Variants in COPB1 observed in about 807,000 individuals in gnomAD.
COPB1 encodes the protein coatomer subunit beta.
A neutral mutation model predicts 108.7 loss-of-function variants in COPB1; 21 were observed. The ratio of observed to expected loss-of-function variants is 0.19; its 90% CI spans 0.14 to 0.28. COPB1 has a LOEUF of 0.28. COPB1 is among the 10% of genes least tolerant of loss of function. COPB1 has a pLI of 1.00. For synonymous variants in COPB1, 378 were observed against 386.8 expected, an observed-to-expected ratio of 0.98 and a Z score of 0.27; for missense variants, 919 against 1,141.3, an observed-to-expected ratio of 0.81 and a Z score of 2.81.
At chr11:14,480,635 T>C (rs1316209753) in intron 10 of COPB1, 124 bp downstream of exon 10, 4 of 859,310 alleles carry the variant, frequency 4.7e-6, no homozygotes, top group Non-Finnish European at 6.9e-6. Context: ...GATATAAAGA[T>C]CACTTCTCAC....
In COPB1 at chr11:14,493,537, A is replaced by G. The variant is rs982610939; in HGVS notation, c.491+105T>C. On this transcript the variant is annotated intron_variant, in intron 4 of 21. Transcript: ENST00000439561. The stretch of plus-strand genomic sequence containing the variant: ...AAATACAGTGCTGGCCATACAAAAT[A>G]TATCTTCAAGCTATATTCAGTCTGC... The G allele has an allele frequency of 1.4e-5, 13 of 943,240 alleles. No individual in the cohort carries two copies. In the African/African-American group the frequency reaches 1.9e-4, roughly 13 times the overall value. The allele number at this position is 943,240 out of a possible 1,614,324, so 58.4% of individuals were successfully genotyped here.
intron 3 of COPB1, 134 bp downstream of exon 3, chr11:14,494,074 ACT>A (rs1490412115): frequency 4.9e-5 from 34 of 694,046 alleles, no homozygotes; most frequent in South Asian, 1.9e-4. Flanking sequence ...TTTAAAAATA[ACT>A]CTTTTACAAT....
chr11:14,492,351 A>T (rs779420277), intron 4 of COPB1, among the ~76,000 whole-genome samples: 12 of 151,566 alleles, frequency 7.9e-5, no homozygotes, highest in Non-Finnish European at 8.8e-5. Context: ...TATTTTTATT[A>T]TTATTTTTTG....
In COPB1 at chr11:14,480,868, T is replaced by C; in HGVS notation, c.1103A>G (p.Asn368Ser). 1 of 1,614,032 alleles carries C rather than the reference T, an allele frequency of 6.2e-7. No homozygotes were observed. The highest frequency in any genetic ancestry group is 8.5e-7 in the Non-Finnish European group (1 of 1,179,918). Residue 368 changes from asparagine (N) to serine (S), a missense_variant, in exon 10 of 22, where the codon AAT becomes AGT. Coordinates refer to ENST00000439561, the MANE Select transcript of COPB1 (RefSeq NM_001144061.2). The stretch of plus-strand genomic sequence containing the variant: ...AGTATCTTCATGCTCAGACACATTA[T>C]TTGTTTTTATCACTTCCTTCTTCAG... ...IVLKKEVIKT[N>S]NVSEHEDTDK... is the part of the protein sequence containing the mutation.
chr11:14,460,354 G>C (rs1850117792), intron 19 of COPB1, 57 bp from the exon 20 acceptor site: 1 of 1,084,138 alleles, frequency 9.2e-7, no homozygotes, highest in African/African-American at 1.6e-5. Flanking sequence ...AGAAAGCTGT[G>C]AATCACCAGT....
rs1850643331 is a variant in COPB1, at chr11:14,480,740, A to G, written c.1212+19T>C. On this transcript the variant is annotated intron_variant, in intron 10 of 21. Coordinates refer to ENST00000439561, the MANE Select transcript of COPB1 (RefSeq NM_001144061.2). Reference sequence around the variant, plus strand: ...TTCTTTTAGATAATTTCAAAATTAAAGTCATCAGAATTACATACCACAGGA... The same window carrying G: ...TTCTTTTAGATAATTTCAAAATTAAGGTCATCAGAATTACATACCACAGGA... 1 of 1,584,806 alleles carries G rather than the reference A, an allele frequency of 6.3e-7. No homozygotes were observed. The highest frequency in any genetic ancestry group is 1.4e-5 in the African/African-American group (1 of 73,282).
At chr11:14,476,577 CAAT>C (rs1431429295) in intron 12 of COPB1, among the ~76,000 whole-genome samples, 1 of 152,140 alleles carries the variant, frequency 6.6e-6, no homozygotes, top group East Asian at 1.9e-4. Flanking sequence ...GTCGACACAA[CAAT>C]GACTAGAACT....
In COPB1 at chr11:14,470,918, A is replaced by G. The variant is rs1035873063; in HGVS notation, c.1738-1355T>C. ...AAGAAATACACACACACACACACAC[A>G]CACACACACACACACACACACACAC... On this transcript the variant is annotated intron_variant, in intron 14 of 21. Transcript: ENST00000439561. Among the ~76,000 whole-genome samples the G allele has an allele frequency of 2.3e-5, 3 of 130,400 alleles. No homozygotes were observed. In the South Asian group the frequency reaches 6.8e-4, roughly 29 times the overall value. The allele number at this position is 130,400 out of a possible 152,430, so 85.5% of individuals were successfully genotyped here. A position where few individuals can be genotyped will look rare whatever the true frequency, so the allele number is the denominator to read the frequency against.
At chr11:14,495,924 G>A (rs1851008133) in intron 2 of COPB1, among the ~76,000 whole-genome samples, 1 of 152,030 alleles carries the variant, frequency 6.6e-6, no homozygotes, top group Admixed American at 6.5e-5. Flanking sequence ...CATGAAAAAA[G>A]GGAAATATAT....
At chr11:14,492,594 C>T (rs1397719944) in intron 4 of COPB1, among the ~76,000 whole-genome samples, 12 of 151,942 alleles carry the variant, frequency 7.9e-5, no homozygotes, top group East Asian at 1.9e-4. Context: ...CGGCCCGCCT[C>T]GGCCTCCCAA....
chr11:14,466,323 C>T lies in COPB1; in HGVS notation c.2249G>A (p.Ser750Asn). The change falls in exon 17 of 22, where the codon AGT becomes AAT. Residue 750 changes from serine to asparagine, a missense_variant. Physicochemically the swap from Ser to Asn is conservative, Grantham distance 46. Transcript: ENST00000439561. ...VLDVLVVNQT[S>N]DTLQNCTLEL... ...TAATGTGCAATTCTGCAAAGTATCA[C>T]TGGTTTGGTTCACAACAAGTACATC... 6.2e-7 allele frequency: 1 copy of T among 1,613,656 alleles called. No homozygotes were observed.
rs1477646924 is a variant in COPB1, at chr11:14,457,708, A to ATT, written c.*115_*116insAA. ...GAAAGGCTATAAATTATTGGCTGAA[A>ATT]AGTATTCAGCATGAACTCAGATTCT... On this transcript the variant is annotated 3_prime_UTR_variant, in exon 22 of 22. Transcript: ENST00000439561. 2.8e-6 allele frequency: 2 copies of ATT among 721,184 alleles called. No individual in the cohort carries two copies. The highest frequency in any genetic ancestry group is 4.9e-6 in the Non-Finnish European group (2 of 404,054). 44.7% of individuals were successfully genotyped at this position (721,184 alleles called of 1,614,324 possible). A position where few individuals can be genotyped will look rare whatever the true frequency, so the allele number is the denominator to read the frequency against.
intron 14 of COPB1, among the ~76,000 whole-genome samples, chr11:14,472,816 T>G (rs561269380): frequency 2.9e-4 from 44 of 152,356 alleles, no homozygotes; most frequent in Non-Finnish European, 5.4e-4. Context: ...ACTCTTCTTC[T>G]GAAGCTTCCT....
intron 14 of COPB1, among the ~76,000 whole-genome samples, chr11:14,472,874 T>C (rs1434032079): frequency 6.6e-6 from 1 of 152,268 alleles, no homozygotes; most frequent in Non-Finnish European, 1.5e-5. Context: ...GGTCTTAGTC[T>C]GGATTAGGCT....
At chr11:14,478,866 G>A (rs1184877434) in intron 11 of COPB1, 1 of 141,686 alleles carries the variant, frequency 7.1e-6, no homozygotes, top group Non-Finnish European at 1.5e-5. Context: ...AGCTCTAAGA[G>A]ATTATGGCTG....
At chr11:14,479,992 C>G (rs1199409861) in intron 10 of COPB1, among the ~76,000 whole-genome samples, 1 of 152,124 alleles carries the variant, frequency 6.6e-6, no homozygotes, top group Non-Finnish European at 1.5e-5. Flanking sequence ...TTTGTAGAGA[C>G]AGGGTCTCCC....
intron 18 of COPB1, among the ~76,000 whole-genome samples, chr11:14,462,513 T>A (rs1225186337): frequency 6.6e-6 from 1 of 152,216 alleles, no homozygotes; most frequent in East Asian, 1.9e-4. Context: ...ATTACAGGCA[T>A]GAGCCACTGT....
intron 4 of COPB1, among the ~76,000 whole-genome samples, chr11:14,492,076 C>G (rs539850056): frequency 6.6e-6 from 1 of 152,230 alleles, no homozygotes; most frequent in South Asian, 2.1e-4. Flanking sequence ...TATTTTGAAG[C>G]AAATCACAGG....
At chr11:14,494,464 A>AAG in intron 2 of COPB1, 25 bp from the exon 3 acceptor site, 1 of 1,359,728 alleles carries the variant, frequency 7.4e-7, no homozygotes, top group Non-Finnish European at 1.0e-6. Context: ...TTTTTAAAAA[A>AAG]AAGCACAATT....
Sources: gnomAD v4.1 joint callset for allele counts (sites outside exome capture counted in the v4.1 genomes callset) on GRCh38, gnomAD v4.1.1 for gene constraint, MANE v1.5 for transcripts, NCBI Gene and HGNC (gene_info 2026-07-23, HGNC 2026-07-21) for gene names.